ACAP3: variants seen among roughly 807,000 people sequenced by gnomAD.
ACAP3 encodes the protein arf-GAP with coiled-coil, ANK repeat and PH domain-containing protein 3.
ACAP3 carries 56 observed loss-of-function variants against 104.1 expected under a neutral mutation model. The observed-to-expected ratio is 0.54, with a 90% confidence interval of 0.43 to 0.67. ACAP3 has a LOEUF of 0.67. ACAP3 is among the 30% of genes least tolerant of loss of function. The pLI is 0.00. For synonymous variants in ACAP3, 628 were observed against 496.2 expected (o/e 1.27, Z -3.53); for missense variants, 1,208 against 1,174.9 (o/e 1.03, Z -0.41).
At chr1:1,307,486 T>C in intron 1 of ACAP3, 1 of 1,265,038 alleles carries the variant, frequency 7.9e-7, no homozygotes, top group Non-Finnish European at 1.0e-6. Context: ...CTCAGCCCAG[T>C]GGAGGTGCAG....
Position 1,295,457 on chromosome 1 carries a change from A to G in ACAP3, c.1803T>C (p.Ala601=), listed in dbSNP as rs1001720201. The change falls in exon 19 of 24, where the codon GCT becomes GCC. Residue 601 remains alanine (A), a synonymous_variant. Transcript: ENST00000354700. ...CCACCCCACACTTACTGCGAGGGCCAGCCCCTGCGGCCCCTGCGTCGAAGT... is the reference window on the plus strand; with the variant it reads ...CCACCCCACACTTACTGCGAGGGCCGGCCCCTGCGGCCCCTGCGTCGAAGT... ...FSYFDAGAAG[A]GPRSLSSDSG... is the part of the protein sequence containing the mutation. The G allele has an allele frequency of 1.2e-6, 2 of 1,612,354 alleles. No individual in the cohort carries two copies. The highest frequency in any genetic ancestry group is 1.7e-6 in the Non-Finnish European group (2 of 1,179,852).
In ACAP3 at chr1:1,300,603, G is replaced by C; in HGVS notation, c.428C>G (p.Pro143Arg). 1 of 1,609,240 alleles carries C rather than the reference G, an allele frequency of 6.2e-7. No homozygotes were observed. Among genetic ancestry groups the C allele is most frequent in the Non-Finnish European group, 8.5e-7 (1 of 1,178,942 alleles). ...CTCCACCTCGTGGGGCCGGTGCCTC[G>C]GGGCCTGGGCGTTCCTCACCAGGGA... ...ELSLVRNAQA[P>R]RHRPHEVEEA... Residue 143 changes from proline (P) to arginine (R), a missense_variant, in exon 6 of 24, where the codon CCG becomes CGG. Coordinates refer to ENST00000354700, the MANE Select transcript of ACAP3 (RefSeq NM_030649.3).
chr1:1,294,091 C>T lies in ACAP3; in HGVS notation c.2248G>A (p.Gly750Ser), dbSNP rs769368222. 12 of 1,567,480 alleles carry T rather than the reference C, an allele frequency of 7.7e-6. No homozygotes were observed. Among genetic ancestry groups the T allele is most frequent in the Non-Finnish European group, 1.0e-5 (12 of 1,155,910 alleles). Residue 750 changes from glycine to serine, a missense_variant and splice_region_variant, in exon 22 of 24, where the codon GGC (glycine) becomes AGC (serine). By Grantham distance (56) the Gly-to-Ser change is moderately conservative (BLOSUM62 0). Coordinates refer to ENST00000354700, the MANE Select transcript of ACAP3 (RefSeq NM_030649.3). ...LHHATLLGRT[G>S]QVCLFLKRGA... The stretch of plus-strand genomic sequence containing the variant: ...CGGGGCGTGGGTTGCGCGTCTCACC[C>T]GGTGCGGCCCAGCAGCGTGGCGTGG...
chr1:1,300,603 G>A lies in ACAP3; in HGVS notation c.428C>T (p.Pro143Leu), dbSNP rs762533290. ...ELSLVRNAQA[P>L]RHRPHEVEEA... ...CTCCACCTCGTGGGGCCGGTGCCTCGGGGCCTGGGCGTTCCTCACCAGGGA... is the reference window on the plus strand; with the variant it reads ...CTCCACCTCGTGGGGCCGGTGCCTCAGGGCCTGGGCGTTCCTCACCAGGGA... Residue 143 changes from proline to leucine, a missense_variant, in exon 6 of 24, where the codon CCG becomes CTG. Coordinates refer to ENST00000354700, the MANE Select transcript of ACAP3 (RefSeq NM_030649.3). 22 of 1,609,122 alleles carry A rather than the reference G, an allele frequency of 1.4e-5. No homozygotes were observed. Among genetic ancestry groups the A allele is most frequent in the Admixed American group, 1.7e-5 (1 of 58,874 alleles).
rs774777723 is a variant in ACAP3, at chr1:1,293,653, G to T, written c.2416C>A (p.Pro806Thr). The T allele has an allele frequency of 1.2e-5, 18 of 1,475,410 alleles. No homozygotes were observed. The highest frequency in any genetic ancestry group is 7.6e-5 in the South Asian group (6 of 78,490). 91.4% of individuals were successfully genotyped at this position (1,475,410 alleles called of 1,614,324 possible). The change falls in exon 24 of 24, where the codon CCC becomes ACC. Residue 806 changes from proline (P) to threonine (T), a missense_variant. Coordinates refer to ENST00000354700, the MANE Select transcript of ACAP3 (RefSeq NM_030649.3). The part of the protein sequence containing the change: ...EMREAEAAPG[P>T]PGALAGSPTE... ...GGGCTGCCCGCCAGGGCGCCCGGGG[G>T]ACCAGGGGCAGCCTCGGCCTCGCGC...
chr1:1,306,035 C>T (rs899519464), intron 1 of ACAP3: 3 of 152,460 alleles, frequency 2.0e-5, no homozygotes, highest in Admixed American at 1.3e-4. Flanking sequence ...TCAGGGAGCC[C>T]CTCGAACCCC....
At chr1:1,295,101 A>C in intron 19 of ACAP3, 1 of 554,732 alleles carries the variant, frequency 1.8e-6, no homozygotes, top group Non-Finnish European at 3.2e-6. Context: ...TGGGCCCCCC[A>C]GCCCCGTCTG....
intron 4 of ACAP3, 28 bp from the exon 5 acceptor site, chr1:1,302,074 TG>T: frequency 6.7e-7 from 1 of 1,489,218 alleles, no homozygotes; most frequent in Non-Finnish European, 9.0e-7. Context: ...CAGAGATCCT[TG>T]GGGTCTGTCC....
At chr1:1,294,972 G>A (rs1641053175) in intron 19 of ACAP3, 156 bp from the exon 20 acceptor site, 2 of 672,502 alleles carry the variant, frequency 3.0e-6, no homozygotes, top group Non-Finnish European at 2.5e-6. Flanking sequence ...CTGCAGGCTA[G>A]GAGCAAAGGA....
Position 1,299,327 on chromosome 1 carries a change from G to A in ACAP3, c.750+18C>T, listed in dbSNP as rs749564198. ...TCTCCCCCGACCCACAGCCCGCCCA[G>A]GGCCCGTGCTCACTTACCTGCAGCA... On this transcript the variant is annotated intron_variant, in intron 10 of 23. Transcript: ENST00000354700. 6 of 1,595,958 alleles carry A rather than the reference G, an allele frequency of 3.8e-6. No individual in the cohort carries two copies. In the South Asian group the frequency reaches 6.8e-5, roughly 18 times the overall value.
At chr1:1,296,758 CG>C in intron 14 of ACAP3, 125 bp from the exon 15 acceptor site, 1 of 973,716 alleles carries the variant, frequency 1.0e-6, no homozygotes, top group Non-Finnish European at 1.5e-6. Flanking sequence ...CGCCCGCACA[CG>C]CACGTACACG....
At chr1:1,294,929 GACCAGCTCCC>G (rs1241098799) in intron 19 of ACAP3, 113 bp from the exon 20 acceptor site, 32 of 1,053,578 alleles carry the variant, frequency 3.0e-5, no homozygotes, top group Non-Finnish European at 4.2e-5. Context: ...CTAGGGACAG[GACCAGCTCCC>G]ACCCAGGGCC....
In ACAP3 at chr1:1,303,719, C is replaced by G. The variant is rs546762055; in HGVS notation, c.105+367G>C. ...TGGGGCTCATGGACACGGCTCCCCC[C>G]TCCACGGCCTGTTGCCCCCTCCCCT... On this transcript the variant is annotated intron_variant, in intron 2 of 23. Transcript: ENST00000354700. This position sits in a 1 kb window ranked among gnomAD's most constrained non-coding sequence, Gnocchi z 4.0. 1.6e-5 allele frequency: 7 copies of G among 432,756 alleles called. No individual in the cohort carries two copies. The highest frequency in any genetic ancestry group is 3.0e-5 in the Non-Finnish European group (7 of 236,950). 26.8% of individuals were successfully genotyped at this position (432,756 alleles called of 1,614,324 possible). A position where few individuals can be genotyped will look rare whatever the true frequency, so the allele number is the denominator to read the frequency against.
Position 1,298,029 on chromosome 1 carries a change from C to G in ACAP3, c.1000G>C (p.Val334Leu). 6.2e-7 allele frequency: 1 copy of G among 1,611,912 alleles called. No individual in the cohort carries two copies. Among genetic ancestry groups the G allele is most frequent in the Non-Finnish European group, 8.5e-7 (1 of 1,179,586 alleles). Residue 334 changes from valine to leucine, a missense_variant, in exon 13 of 24, where the codon GTG becomes CTG. Transcript: ENST00000354700. Reference protein sequence around the residue: ...EDIERRFCFEVLSPTKSCMLQ... With the variant: ...EDIERRFCFELLSPTKSCMLQ... ...CCTCCTCACTTGGTGGGTGACAGCA[C>G]CTCGAAGCAGAACCTCCGCTCGATG...
intron 14 of ACAP3, 125 bp from the exon 15 acceptor site, chr1:1,296,758 C>T (rs866409445): frequency 5.5e-5 from 54 of 973,600 alleles, no homozygotes; most frequent in Middle Eastern, 6.3e-4. Flanking sequence ...CGCCCGCACA[C>T]GCACGTACAC....
intron 19 of ACAP3, 152 bp from the exon 20 acceptor site, chr1:1,294,968 G>C: frequency 1.4e-6 from 1 of 695,280 alleles, no homozygotes; most frequent in Non-Finnish European, 2.4e-6. Flanking sequence ...CCAGCTGCAG[G>C]CTAGGAGCAA....
At position 1,299,594 on chromosome 1, in the gene ACAP3, CTG is replaced by C. The variant is rs1641354962; in HGVS notation, c.738+235_738+236del. 10 of 707,592 alleles carry C rather than the reference CTG, an allele frequency of 1.4e-5. No individual in the cohort carries two copies. The South Asian group carries it at 2.0e-4, about 14-fold the overall frequency. 43.8% of individuals were successfully genotyped at this position (707,592 alleles called of 1,614,324 possible). ...CAAAGGCCCCGCAAGGAGCCAGTGA[CTG>C]AGGCCACAGAGGTGACCACCGCCTC... On this transcript the variant is annotated intron_variant, in intron 9 of 23. Coordinates refer to ENST00000354700, the MANE Select transcript of ACAP3 (RefSeq NM_030649.3).
rs750572018 is a variant in ACAP3, at chr1:1,303,023, A to G, written c.226-48T>C. 38 of 1,581,574 alleles carry G rather than the reference A, an allele frequency of 2.4e-5. No individual in the cohort carries two copies. In the South Asian group the frequency reaches 4.4e-4, roughly 18 times the overall value. On this transcript the variant is annotated intron_variant, in intron 3 of 23. Transcript: ENST00000354700. The surrounding 1 kb of genome is among the most constrained non-coding windows in gnomAD (Gnocchi z 4.0). Reference sequence around the variant, plus strand: ...GTGCTGAGATGGCAAATCCGGGCCCAGGTCACCCAGCCACGCCCTCTGAGC... The same window carrying G: ...GTGCTGAGATGGCAAATCCGGGCCCGGGTCACCCAGCCACGCCCTCTGAGC...
rs1382440763 is a variant in ACAP3 at position 1,300,508 on chromosome 1, C to T, written c.522+1G>A. 3 of 1,608,010 alleles carry T rather than the reference C, an allele frequency of 1.9e-6. No individual in the cohort carries two copies. The highest frequency in any genetic ancestry group is 2.5e-6 in the Non-Finnish European group (3 of 1,178,258). ...CCCCCCAGCCCATTTCTGGGGCTGA[C>T]CTGGAGCACATAGTCCAGTGCCAGG... On this transcript the variant is annotated splice_donor_variant, in intron 6 of 23. Transcript: ENST00000354700. LOFTEE classifies it high-confidence loss of function.
Sources: allele counts gnomAD v4.1 joint callset, GRCh38; gene constraint gnomAD v4.1.1; non-coding constraint Gnocchi (gnomAD v3.1); transcripts MANE v1.5; gene names NCBI Gene and HGNC (gene_info 2026-07-23, HGNC 2026-07-21).